Variants in CFAP69 observed in about 807,000 individuals in gnomAD.
The protein encoded by CFAP69 is cilia and flagella associated protein 69, also known as cilia- and flagella-associated protein 69.
Under a neutral mutation model 123.0 loss-of-function variants are expected in CFAP69, and 92 were observed. The ratio of observed to expected loss-of-function variants is 0.75; its 90% CI spans 0.63 to 0.89. The LOEUF is 0.89. CFAP69 is among the 40% of genes least tolerant of loss of function. CFAP69 has a pLI of 0.00. For missense variants in CFAP69, 1,067 were observed against 1,096.9 expected, an observed-to-expected ratio of 0.97 and a Z score of 0.39; for synonymous variants, 380 against 364.3, an observed-to-expected ratio of 1.04 and a Z score of -0.49.
intron 13 of CFAP69, 88 bp from the exon 14 acceptor site, chr7:90,286,193 A>G (rs1369827731): frequency 8.9e-7 from 1 of 1,129,904 alleles, no homozygotes; most frequent in Non-Finnish European, 1.2e-6. Context: ...AGCCAAATAA[A>G]CTTTTTAGAA....
chr7:90,285,165 G>A (rs965160504), intron 13 of CFAP69, among the ~76,000 whole-genome samples: 1 of 152,142 alleles, frequency 6.6e-6, no homozygotes, highest in Non-Finnish European at 1.5e-5. Flanking sequence ...CCCAGAAGAT[G>A]TTCCTGATAA....
At chr7:90,312,539 A>G (rs904540538), downstream of CFAP69, 14 of 152,220 alleles carry the variant, frequency 9.2e-5, no homozygotes, top group African/African-American at 2.9e-4. Flanking sequence ...TAATAGACAA[A>G]TAAGTGTAAG....
downstream of CFAP69, among the ~76,000 whole-genome samples, chr7:90,312,221 A>T (rs558496240): frequency 6.6e-6 from 1 of 152,356 alleles, no homozygotes; most frequent in South Asian, 2.1e-4. Flanking sequence ...AGATTCAGCC[A>T]ACAAAATACT....
chr7:90,284,982 A>G (rs1790051096), intron 13 of CFAP69, among the ~76,000 whole-genome samples: 1 of 152,190 alleles, frequency 6.6e-6, no homozygotes, highest in African/African-American at 2.4e-5. Context: ...TGGGAGAAAT[A>G]GAATGATCTA....
the CFAP69 span, chr7:90,322,669 T>TGTAAGTTGTATTGAA: frequency 2.0e-5 from 3 of 152,240 alleles, no homozygotes; most frequent in African/African-American, 7.2e-5. Flanking sequence ...TTACAAGTAT[T>TGTAAGTTGTATTGAA]CAAAACCTAT....
downstream of CFAP69, among the ~76,000 whole-genome samples, chr7:90,314,117 C>T (rs541998084): frequency 1.9e-4 from 29 of 152,210 alleles, no homozygotes; most frequent in Admixed American, 5.2e-4. Context: ...TTGTCAAGGT[C>T]ATCAAAAACA....
At chr7:90,285,481 G>A (rs758292345) in intron 13 of CFAP69, among the ~76,000 whole-genome samples, 4 of 152,072 alleles carry the variant, frequency 2.6e-5, no homozygotes, top group South Asian at 2.1e-4. Context: ...ATATCATTTC[G>A]TCAGTGTTAG....
chr7:90,266,224 C>G (rs2116837308), intron 5 of CFAP69: 1 of 152,134 alleles, frequency 6.6e-6, no homozygotes, highest in African/African-American at 2.4e-5. Flanking sequence ...CCTTTTATAT[C>G]TCAGTAGGTT....
chr7:90,267,748 A>C (rs1463709028), intron 5 of CFAP69, among the ~76,000 whole-genome samples: 1 of 152,152 alleles, frequency 6.6e-6, no homozygotes, highest in Admixed American at 6.6e-5. Flanking sequence ...TAAAGGCAAA[A>C]AATTACTGAC....
At chr7:90,321,818 G>C in the CFAP69 span, among the ~76,000 whole-genome samples, 3 of 152,180 alleles carry the variant, frequency 2.0e-5, no homozygotes, top group Non-Finnish European at 4.4e-5. Flanking sequence ...CTTCATGGAT[G>C]AAGACCCGAG....
At chr7:90,245,654 TG>T in intron 1 of CFAP69, 110 bp downstream of exon 1, 22 of 1,296,688 alleles carry the variant, frequency 1.7e-5, no homozygotes, top group Non-Finnish European at 2.2e-5. Flanking sequence ...GGAGTGAAGA[TG>T]GGGGAAGCCG....
At chr7:90,313,670 C>T (rs1033564546), downstream of CFAP69, among the ~76,000 whole-genome samples, 18 of 151,450 alleles carry the variant, frequency 1.2e-4, no homozygotes, top group African/African-American at 4.1e-4. Flanking sequence ...AACAAATGTT[C>T]ATAAATCCAT....
In CFAP69 at chr7:90,277,303, T is replaced by C; in HGVS notation, c.1124T>C (p.Val375Ala). ...ELKKLLFNVI[V>A]ILCKDLPTVQ... ...AAGAAATTACTATTCAACGTAATTG[T>C]GATCTTATGTAAAGATTTACCTACT... is the stretch of plus-strand genomic sequence containing the variant. The change falls in exon 11 of 23, where the codon GTG becomes GCG. Residue 375 changes from valine to alanine, a missense_variant. Val to Ala is a moderately conservative substitution (Grantham distance 64). Transcript: ENST00000389297. The C allele has an allele frequency of 6.3e-7, 1 of 1,581,510 alleles. No individual in the cohort carries two copies. Among genetic ancestry groups the C allele is most frequent in the Non-Finnish European group, 8.6e-7 (1 of 1,165,928 alleles).
In CFAP69 at chr7:90,271,581, A is replaced by T. The variant is rs1426679213; in HGVS notation, c.588A>T (p.Leu196Phe). 1.2e-6 allele frequency: 2 copies of T among 1,613,180 alleles called. No homozygotes were observed. Among genetic ancestry groups the T allele is most frequent in the Non-Finnish European group, 1.7e-6 (2 of 1,179,682 alleles). ...YKIQMAEVGG[L>F]AKTMVQSMTL... ...TTCAAATGGCTGAAGTTGGAGGATTAGCAAAAACAATGGTCCAGTCAATGA... is the reference window on the plus strand; with the variant it reads ...TTCAAATGGCTGAAGTTGGAGGATTTGCAAAAACAATGGTCCAGTCAATGA... Residue 196 changes from leucine (L) to phenylalanine (F), a missense_variant, in exon 7 of 23, where the codon TTA becomes TTT. Physicochemically the swap from Leu to Phe is conservative, Grantham distance 22. Transcript: ENST00000389297.
chr7:90,294,004 C>G (rs1489203044), intron 15 of CFAP69, among the ~76,000 whole-genome samples: 1 of 152,200 alleles, frequency 6.6e-6, no homozygotes, highest in Non-Finnish European at 1.5e-5. Context: ...CTTAGACTTT[C>G]TGACTTTTCC....
chr7:90,307,138 G>C, intron 20 of CFAP69, 40 bp downstream of exon 20: 3 of 1,509,942 alleles, frequency 2.0e-6, no homozygotes, highest in South Asian at 1.2e-5. Context: ...ATGAAGATAG[G>C]TTGGTTAATG....
rs755918911 is a variant in CFAP69 at position 90,271,651 on chromosome 7, G to C, written c.658G>C (p.Val220Leu). ...QLVEKLWVLKVLQHLSTSEVN... is the reference protein window; with the variant it reads ...QLVEKLWVLKLLQHLSTSEVN... ...TGTTGAGAAACTTTGGGTACTTAAA[G>C]TTCTGCAGCATCTCTCAACTTCTGG... The change falls in exon 7 of 23, where the codon GTT becomes CTT. Residue 220 changes from valine to leucine, a missense_variant. Val to Leu is a conservative substitution (Grantham distance 32). Transcript: ENST00000389297. 1.9e-5 allele frequency: 30 copies of C among 1,613,408 alleles called. No homozygotes were observed. The highest frequency in any genetic ancestry group is 2.5e-5 in the Non-Finnish European group (30 of 1,179,640).
At chr7:90,294,070 A>G (rs927063031) in intron 15 of CFAP69, among the ~76,000 whole-genome samples, 1 of 152,196 alleles carries the variant, frequency 6.6e-6, no homozygotes, top group African/African-American at 2.4e-5. Flanking sequence ...AGAATCTACC[A>G]TACAAGATTG....
intron 17 of CFAP69, chr7:90,302,300 T>A (rs1170974235): frequency 6.6e-6 from 1 of 152,228 alleles, no homozygotes; most frequent in Non-Finnish European, 1.5e-5. Context: ...TAGTTTCTTT[T>A]ACTGTGCAGA....
Sources: allele counts gnomAD v4.1 joint callset (sites outside exome capture counted in the v4.1 genomes callset), GRCh38; gene constraint gnomAD v4.1.1; transcripts MANE v1.5; gene names NCBI Gene and HGNC (gene_info 2026-07-23, HGNC 2026-07-21).